Variants in COX10 observed in about 807,000 individuals in gnomAD.
The protein encoded by COX10 is cytochrome c oxidase assembly factor heme A:farnesyltransferase COX10.
Under a neutral mutation model 37.3 loss-of-function variants are expected in COX10, and 27 were observed. That is an observed-to-expected ratio of 0.72 (90% CI 0.53 to 1.00). The LOEUF is 1.00. Ranked by LOEUF, COX10 falls within the 50% of genes least tolerant of loss-of-function variation. The pLI, the probability that COX10 is intolerant of heterozygous loss-of-function variation, is 0.00. For synonymous variants in COX10, 222 were observed against 229.1 expected (o/e 0.97, Z 0.28); for missense variants, 475 against 563.2 (o/e 0.84, Z 1.59).
chr17:14,159,589 A>G (rs1403592915), intron 4 of COX10, among the ~76,000 whole-genome samples: 1 of 152,176 alleles, frequency 6.6e-6, no homozygotes, highest in Non-Finnish European at 1.5e-5. Context: ...CCTAGAGCCA[A>G]TTGTCTGCAT....
At chr17:14,089,468 A>AAGT (rs1915477956) in intron 3 of COX10, among the ~76,000 whole-genome samples, 4 of 152,206 alleles carry the variant, frequency 2.6e-5, no homozygotes, top group Non-Finnish European at 4.4e-5. Context: ...TGGACTGTCC[A>AAGT]ACAGAGCTAG....
At chr17:14,148,576 A>G (rs1470562205) in intron 4 of COX10, among the ~76,000 whole-genome samples, 2 of 152,136 alleles carry the variant, frequency 1.3e-5, no homozygotes, top group African/African-American at 4.8e-5. Flanking sequence ...CGAGGTTCAC[A>G]TGTTTGTTTT....
chr17:14,132,065 A>G (rs925571410), intron 4 of COX10, among the ~76,000 whole-genome samples: 1 of 151,910 alleles, frequency 6.6e-6, no homozygotes, highest in African/African-American at 2.4e-5. Flanking sequence ...ATTTTTCATA[A>G]TATTCTTATA....
At chr17:14,123,767 G>A (rs147655710) in intron 4 of COX10, among the ~76,000 whole-genome samples, 1 of 152,302 alleles carries the variant, frequency 6.6e-6, no homozygotes, top group East Asian at 1.9e-4. Flanking sequence ...TTCTGTGGAT[G>A]GAGAAGCAGT....
chr17:14,074,266 C>T, intron 1 of COX10, 57 bp from the exon 2 acceptor site: 1 of 1,608,106 alleles, frequency 6.2e-7, no homozygotes, highest in Non-Finnish European at 8.5e-7. Context: ...GTGTAGTCAT[C>T]ATTTGATAAG....
intron 4 of COX10, among the ~76,000 whole-genome samples, chr17:14,113,691 G>T (rs936307981): frequency 1.3e-5 from 2 of 152,090 alleles, no homozygotes; most frequent in African/African-American, 2.4e-5. Flanking sequence ...AAGAGGAGGA[G>T]TATGTTACTG....
intron 6 of COX10, among the ~76,000 whole-genome samples, chr17:14,198,125 C>T (rs1906422872): frequency 6.6e-6 from 1 of 152,136 alleles, no homozygotes; most frequent in Non-Finnish European, 1.5e-5. Context: ...AACTGCCGCA[C>T]TTGGTTTGAT....
chr17:14,113,033 C>G (rs1567594000), intron 4 of COX10, among the ~76,000 whole-genome samples: 1 of 152,074 alleles, frequency 6.6e-6, no homozygotes, highest in African/African-American at 2.4e-5. Context: ...GAAGGAAGTC[C>G]TGACTTTGAC....
intron 5 of COX10, among the ~76,000 whole-genome samples, chr17:14,162,458 GT>G (rs1905188951): frequency 6.6e-6 from 1 of 152,082 alleles, no homozygotes; most frequent in South Asian, 2.1e-4. Flanking sequence ...TGATATTGAG[GT>G]TTCTCTAGTG....
intron 4 of COX10, among the ~76,000 whole-genome samples, chr17:14,118,981 T>C (rs1267490567): frequency 6.6e-6 from 1 of 152,134 alleles, no homozygotes; most frequent in African/African-American, 2.4e-5. Flanking sequence ...TGTTTTTCTC[T>C]AGTAGGATTG....
At chr17:14,101,305 A>T (rs1031091435) in intron 3 of COX10, among the ~76,000 whole-genome samples, 36 of 152,242 alleles carry the variant, frequency 2.4e-4, no homozygotes, top group African/African-American at 8.7e-4. Context: ...TCACCCTACC[A>T]TTCTCTTCCT....
chr17:14,101,506 G>A (rs1030641315), intron 3 of COX10, among the ~76,000 whole-genome samples: 3 of 152,186 alleles, frequency 2.0e-5, no homozygotes, highest in Non-Finnish European at 2.9e-5. Context: ...TACCGAAAAG[G>A]AGCAGCCTTG....
At chr17:14,083,944 G>A (rs1597494060) in intron 3 of COX10, among the ~76,000 whole-genome samples, 2 of 152,256 alleles carry the variant, frequency 1.3e-5, no homozygotes, top group East Asian at 1.9e-4. Flanking sequence ...GCTGCAACAC[G>A]TTTTTTGAGA....
At chr17:14,135,660 A>C (rs1904340275) in intron 4 of COX10, among the ~76,000 whole-genome samples, 1 of 151,990 alleles carries the variant, frequency 6.6e-6, no homozygotes, top group Admixed American at 6.6e-5. Flanking sequence ...AATGTGTATA[A>C]AGAACATCGT....
rs538001021 is a variant in COX10, at chr17:14,078,478, C to G, written c.499+1422C>G. Among the ~76,000 whole-genome samples, 373 of 152,216 alleles carry G rather than the reference C, an allele frequency of 2.5e-3. 1 individual carries two copies. Among genetic ancestry groups the G allele is most frequent in the African/African-American group, 8.2e-3 (340 of 41,538 alleles). On this transcript the variant is annotated intron_variant, in intron 3 of 6. Coordinates refer to ENST00000261643, the MANE Select transcript of COX10 (RefSeq NM_001303.4). ...TCAGAGGAGAAACCTTAGAACCAGTCTTCTTCACTTTTTGCTCTCCGCTCT... is the reference window on the plus strand; with the variant it reads ...TCAGAGGAGAAACCTTAGAACCAGTGTTCTTCACTTTTTGCTCTCCGCTCT...
intron 6 of COX10, among the ~76,000 whole-genome samples, chr17:14,205,089 C>T (rs1366959113): frequency 6.6e-6 from 1 of 152,134 alleles, no homozygotes; most frequent in Non-Finnish European, 1.5e-5. Flanking sequence ...CCAACCTTGT[C>T]CTGAGGAACT....
In COX10 at chr17:14,188,056, A is replaced by C. The variant is rs183990240; in HGVS notation, c.696-3933A>C. 2.2e-3 allele frequency among the ~76,000 whole-genome samples: 341 copies of C among 151,724 alleles called. 3 individuals carry two copies. Among genetic ancestry groups the C allele is most frequent in the Non-Finnish European group, 4.0e-3 (271 of 67,936 alleles). The stretch of plus-strand genomic sequence containing the variant: ...CGTAACACTAATGTCTCTGAATCCA[A>C]CTGGCCTCCACAGAACTTGAAGAAG... On this transcript the variant is annotated intron_variant, in intron 5 of 6. Transcript: ENST00000261643.
At chr17:14,121,842 G>A (rs1192447879) in intron 4 of COX10, among the ~76,000 whole-genome samples, 1 of 152,064 alleles carries the variant, frequency 6.6e-6, no homozygotes, top group Non-Finnish European at 1.5e-5. Flanking sequence ...GAGTACACAG[G>A]GTGTGCATGA....
intron 3 of COX10, among the ~76,000 whole-genome samples, chr17:14,097,387 T>A (rs1264252947): frequency 2.0e-5 from 3 of 152,144 alleles, no homozygotes; most frequent in Non-Finnish European, 2.9e-5. Context: ...TTATTATTTT[T>A]ACATGTATTA....
Sources: allele counts gnomAD v4.1 joint callset (sites outside exome capture counted in the v4.1 genomes callset), GRCh38; gene constraint gnomAD v4.1.1; transcripts MANE v1.5; gene names NCBI Gene and HGNC (gene_info 2026-07-23, HGNC 2026-07-21).